Variants in TUSC3 observed in about 807,000 individuals in gnomAD.
TUSC3 encodes tumor suppressor candidate 3, also known as dolichyl-diphosphooligosaccharide--protein glycosyltransferase subunit TUSC3.
A neutral mutation model predicts 44.8 loss-of-function variants in TUSC3; 45 were observed. The observed-to-expected ratio is 1.00, with a 90% CI of 0.79 to 1.29. TUSC3 has a LOEUF of 1.29. Ranked by LOEUF, TUSC3 falls within the 50% of genes most tolerant of loss-of-function variation. TUSC3 has a pLI of 0.00. For missense variants in TUSC3, 519 were observed against 437.9 expected, an observed-to-expected ratio of 1.19 and a Z score of -1.65; for synonymous variants, 212 against 152.9, an observed-to-expected ratio of 1.39 and a Z score of -2.85.
chr8:15,503,437 C>A (rs568668674), intron 2 of TUSC3, among the ~76,000 whole-genome samples: 4 of 152,196 alleles, frequency 2.6e-5, no homozygotes, highest in Admixed American at 1.3e-4. Context: ...CTGGATACTT[C>A]TAGGACCTTC....
chr8:15,489,453 C>G (rs973684047), intron 2 of TUSC3, among the ~76,000 whole-genome samples: 1 of 152,146 alleles, frequency 6.6e-6, no homozygotes, highest in Non-Finnish European at 1.5e-5. Context: ...TTGCTGGACT[C>G]TCAGCTAATC....
chr8:15,733,816 C>T (rs1810822395), intron 7 of TUSC3, among the ~76,000 whole-genome samples: 1 of 152,144 alleles, frequency 6.6e-6, no homozygotes, highest in Non-Finnish European at 1.5e-5. Flanking sequence ...CTTTCACAGG[C>T]TGATCATTTT....
At chr8:15,851,223 AAAT>A in the TUSC3 span, among the ~76,000 whole-genome samples, 4 of 152,196 alleles carry the variant, frequency 2.6e-5, no homozygotes, top group African/African-American at 9.6e-5. Flanking sequence ...CCCATTGTGA[AAAT>A]AATAACAATA....
At chr8:15,631,446 A>C (rs1805760215) in intron 2 of TUSC3, among the ~76,000 whole-genome samples, 1 of 151,948 alleles carries the variant, frequency 6.6e-6, no homozygotes, top group Non-Finnish European at 1.5e-5. Context: ...CATCTTTTTA[A>C]TTTCAAGCTT....
At position 15,458,156 on chromosome 8, in the gene TUSC3, G is replaced by A. The variant is rs551158212; in HGVS notation, n.92-25230G>A. 5.3e-5 allele frequency among the ~76,000 whole-genome samples: 8 copies of A among 152,244 alleles called. No homozygotes were observed. In the South Asian group the frequency reaches 6.2e-4, roughly 12 times the overall value. ...GTCTAGTGAGAGGAAGGAAGGTGACGAGATGGGTTAAAGTCATATAAGAAA... is the reference window on the plus strand; with the variant it reads ...GTCTAGTGAGAGGAAGGAAGGTGACAAGATGGGTTAAAGTCATATAAGAAA... On this transcript the variant is annotated intron_variant and non_coding_transcript_variant, in intron 1 of 5. Transcript: ENST00000503191.
At chr8:15,529,398 T>A (rs1430346132) in intron 2 of TUSC3, among the ~76,000 whole-genome samples, 1 of 152,178 alleles carries the variant, frequency 6.6e-6, no homozygotes, top group African/African-American at 2.4e-5. Context: ...TGGCATTAAG[T>A]TGAGGTTTAT....
At chr8:15,535,923 A>G (rs1453750047), upstream of TUSC3, among the ~76,000 whole-genome samples, 15 of 152,198 alleles carry the variant, frequency 9.9e-5, no homozygotes, top group Non-Finnish European at 8.8e-5. Context: ...TGCGGGTTGC[A>G]TGTAACCCAG....
At position 15,659,524 on chromosome 8, in the gene TUSC3, T is replaced by C. The variant is rs1257339008; in HGVS notation, c.444T>C (p.Ala148=). ...TTTTACAGCTCAACATGAACTCTGC[T>C]CCTACATTCATGCATTTTCCTCCAA... ...DVFQQLNMNS[A]PTFMHFPPKG... Residue 148 remains alanine, a synonymous_variant, in exon 4 of 11, where the codon GCT becomes GCC. Coordinates refer to ENST00000503731, the MANE Select transcript of TUSC3 (RefSeq NM_006765.4). 1.2e-6 allele frequency: 2 copies of C among 1,612,932 alleles called. No individual in the cohort carries two copies. Among genetic ancestry groups the C allele is most frequent in the Non-Finnish European group, 1.7e-6 (2 of 1,179,604 alleles).
chr8:15,623,330 ATATG>A (rs1323388538), intron 2 of TUSC3, 81 bp downstream of exon 2: 1 of 1,334,692 alleles, frequency 7.5e-7, no homozygotes, highest in African/African-American at 1.5e-5. Context: ...TAAGATAAAT[ATATG>A]TAAGATAAAC....
At chr8:15,438,097 G>A (rs1288527163) in intron 1 of TUSC3, among the ~76,000 whole-genome samples, 1 of 152,062 alleles carries the variant, frequency 6.6e-6, no homozygotes, top group East Asian at 1.9e-4. Context: ...GTCGATGTGT[G>A]TTTTGTTGGG....
At chr8:15,608,298 A>G (rs1804618155) in intron 1 of TUSC3, among the ~76,000 whole-genome samples, 1 of 151,652 alleles carries the variant, frequency 6.6e-6, no homozygotes, top group Non-Finnish European at 1.5e-5. Flanking sequence ...TGAATTCCTT[A>G]GTTTTTTTTT....
In TUSC3 at chr8:15,540,459, G is replaced by T. The variant is rs148484102; in HGVS notation, c.29G>T (p.Arg10Leu). The change falls in exon 1 of 11, where the codon CGT becomes CTT. Residue 10 changes from arginine to leucine, a missense_variant. Arg to Leu is a moderately radical substitution (Grantham distance 102, BLOSUM62 -2). Coordinates refer to ENST00000503731, the MANE Select transcript of TUSC3 (RefSeq NM_006765.4). ...GGGGCCCGGGGCGCTCCTTCACGCC[G>T]TAGGCAAGCGGGGCGGCGGCTGCGG... MGARGAPSR[R>L]RQAGRRLRYL... 5.6e-6 allele frequency: 9 copies of T among 1,604,810 alleles called. No homozygotes were observed. In the African/African-American group the frequency reaches 9.4e-5, roughly 17 times the overall value.
chr8:15,431,568 G>A (rs988475549), intron 1 of TUSC3, among the ~76,000 whole-genome samples: 8 of 150,972 alleles, frequency 5.3e-5, no homozygotes, highest in Admixed American at 5.3e-4. Flanking sequence ...ATTTAACAGT[G>A]CTTGGCAAAC....
At chr8:15,822,840 G>T in the TUSC3 span, among the ~76,000 whole-genome samples, 1 of 152,130 alleles carries the variant, frequency 6.6e-6, no homozygotes, top group Non-Finnish European at 1.5e-5. Flanking sequence ...CCAATAAGAA[G>T]ATTCTTAGTG....
At chr8:15,849,132 T>C in the TUSC3 span, among the ~76,000 whole-genome samples, 17 of 152,172 alleles carry the variant, frequency 1.1e-4, no homozygotes, top group African/African-American at 4.1e-4. Flanking sequence ...AGATACTACA[T>C]TCGATCAAAA....
At chr8:15,606,785 A>C (rs940320352) in intron 1 of TUSC3, among the ~76,000 whole-genome samples, 1 of 152,054 alleles carries the variant, frequency 6.6e-6, no homozygotes, top group East Asian at 1.9e-4. Context: ...GATGAACTAA[A>C]GGAAACACAC....
At chr8:15,777,050 C>T in the TUSC3 span, among the ~76,000 whole-genome samples, 3 of 152,142 alleles carry the variant, frequency 2.0e-5, no homozygotes, top group Admixed American at 6.6e-5. Context: ...TACATGTTCT[C>T]GGTTTTTAAG....
In TUSC3 at chr8:15,529,039, C is replaced by T. The variant is rs1361735460; in HGVS notation, n.189+45556C>T. 2.0e-5 allele frequency among the ~76,000 whole-genome samples: 3 copies of T among 152,214 alleles called. No homozygotes were observed. In the South Asian group the frequency reaches 6.2e-4, roughly 32 times the overall value. On this transcript the variant is annotated intron_variant and non_coding_transcript_variant, in intron 2 of 5. Coordinates refer to the TUSC3 transcript ENST00000503191. Reference sequence around the variant, plus strand: ...CCTACCACCTACTCCACTGACCTTTCCTGATACATAGAACATGCTACACAA... The same window carrying T: ...CCTACCACCTACTCCACTGACCTTTTCTGATACATAGAACATGCTACACAA...
chr8:15,475,595 A>G (rs1387252762), intron 1 of TUSC3, among the ~76,000 whole-genome samples: 2 of 152,332 alleles, frequency 1.3e-5, no homozygotes, highest in East Asian at 3.9e-4. Context: ...AAGAAAAAGT[A>G]TAAGTAAATC....
Sources: allele counts gnomAD v4.1 joint callset (sites outside exome capture counted in the v4.1 genomes callset), GRCh38; gene constraint gnomAD v4.1.1; transcripts MANE v1.5; gene names NCBI Gene and HGNC (gene_info 2026-07-23, HGNC 2026-07-21).